DHX34: variants seen among roughly 807,000 people sequenced by gnomAD.
The protein encoded by DHX34 is DExH-box helicase 34.
DHX34 carries 96 observed loss-of-function variants against 111.1 expected under a neutral mutation model. That is an observed-to-expected ratio of 0.86 (90% CI 0.73 to 1.02). DHX34 has a LOEUF of 1.02. Among genes scored for constraint, DHX34 ranks in the 50% least tolerant of loss-of-function variants. DHX34 has a pLI of 0.00. For missense variants in DHX34, 1,560 were observed against 1,579.9 expected, an observed-to-expected ratio of 0.99 and a Z score of 0.21; for synonymous variants, 688 against 670.4, an observed-to-expected ratio of 1.03 and a Z score of -0.41.
intron 7 of DHX34, 73 bp from the exon 8 acceptor site, chr19:47,372,657 C>A: frequency 4.8e-6 from 7 of 1,467,110 alleles, no homozygotes; most frequent in Non-Finnish European, 5.4e-6. Flanking sequence ...GGAGGGCAGG[C>A]TGGGGCCCCG....
At chr19:47,376,978 C>G in intron 12 of DHX34, 122 bp from the exon 13 acceptor site, 2 of 1,556,382 alleles carry the variant, frequency 1.3e-6, no homozygotes, top group Non-Finnish European at 1.7e-6. Context: ...GCCAGGCCAC[C>G]AAAGCCATGC....
At chr19:47,364,726 A>C (rs1969738616) in intron 6 of DHX34, among the ~76,000 whole-genome samples, 1 of 152,154 alleles carries the variant, frequency 6.6e-6, no homozygotes. Context: ...TGATAGAGCA[A>C]GACCCTGTCT....
At position 47,357,955 on chromosome 19, in the gene DHX34, T is replaced by C; in HGVS notation, c.1107T>C (p.Ile369=). The C allele has an allele frequency of 6.2e-7, 1 of 1,614,034 alleles. No homozygotes were observed. Among genetic ancestry groups the C allele is most frequent in the Non-Finnish European group, 8.5e-7 (1 of 1,180,040 alleles). Residue 369 remains isoleucine, a synonymous_variant, in exon 4 of 17, where the codon ATT becomes ATC. Coordinates refer to ENST00000328771, the MANE Select transcript of DHX34 (RefSeq NM_014681.6). ...PRPFLRVLES[I]DHKYPPEERG... ...CTTTCCTGAGGGTGCTGGAGTCCAT[T>C]GACCACAAGTACCCGCCTGAGGAGC...
chr19:47,372,800 C>T lies in DHX34; in HGVS notation c.1839C>T (p.Ser613=), dbSNP rs151030783. The change falls in exon 8 of 17, where the codon AGC becomes AGT. Residue 613 remains serine (S), a synonymous_variant. Transcript: ENST00000328771. ...EPVLTIAAAL[S]VQSPFTRSAQ... ...TGCTCACCATCGCAGCCGCACTTAG[C>T]GTCCAGTCGCCCTTCACCCGCAGCG... The T allele has an allele frequency of 5.2e-4, 839 of 1,613,146 alleles. 4 individuals carry two copies. The Middle Eastern group carries it at 0.014, about 27-fold the overall frequency.
rs370492039 is a variant in DHX34 at position 47,359,913 on chromosome 19, A to G, written c.1273-55A>G. 33 of 1,612,802 alleles carry G rather than the reference A, an allele frequency of 2.0e-5. 1 individual carries two copies. Among genetic ancestry groups the G allele is most frequent in the African/African-American group, 1.2e-4 (9 of 74,898 alleles). Reference sequence around the variant, plus strand: ...CGGGGGTGGGCAAGAAATTGGACACATAGGTTAGTCGGGGCTGAGTTAGTT... The same window carrying G: ...CGGGGGTGGGCAAGAAATTGGACACGTAGGTTAGTCGGGGCTGAGTTAGTT... On this transcript the variant is annotated intron_variant, in intron 4 of 16. Transcript: ENST00000328771.
chr19:47,381,762 CT>C (rs1191215995), intron 16 of DHX34: 1 of 788,430 alleles, frequency 1.3e-6, no homozygotes, highest in Admixed American at 6.2e-5. Flanking sequence ...CATGTCTCTC[CT>C]TGTGTCTTTC....
Position 47,376,440 on chromosome 19 carries a change from C to A in DHX34, c.2482-3C>A, listed in dbSNP as rs1311254273. On this transcript the variant is annotated splice_polypyrimidine_tract_variant and splice_region_variant and intron_variant, in intron 11 of 16. Transcript: ENST00000328771. ...GCTTGTGCTTTCTCTCTGTCCTCCG[C>A]AGATTTTCCACACGCAGGCCAAGCA... 9 of 1,610,930 alleles carry A rather than the reference C, an allele frequency of 5.6e-6. No individual in the cohort carries two copies. The highest frequency in any genetic ancestry group is 7.6e-6 in the Non-Finnish European group (9 of 1,178,918).
intron 2 of DHX34, chr19:47,354,808 GC>G (rs976660848): frequency 1.6e-5 from 5 of 313,606 alleles, no homozygotes; most frequent in African/African-American, 1.1e-4. Flanking sequence ...GCGCCACCAC[GC>G]CCGGCTAATT....
At chr19:47,374,111 C>G (rs1970058270) in intron 9 of DHX34, among the ~76,000 whole-genome samples, 1 of 152,122 alleles carries the variant, frequency 6.6e-6, no homozygotes, top group African/African-American at 2.4e-5. Flanking sequence ...GTCTCTGGGC[C>G]TCAGCTTCCC....
At chr19:47,363,695 G>GT (rs1969701602) in intron 6 of DHX34, among the ~76,000 whole-genome samples, 1 of 151,860 alleles carries the variant, frequency 6.6e-6, no homozygotes, top group South Asian at 2.1e-4. Flanking sequence ...GTGTGCACCT[G>GT]TAAGCCCGGC....
rs796524317 is a variant in DHX34, at chr19:47,351,165, CTT to C, written c.-277-1585_-277-1584del. ...AGCCTCAGAAGAATGCTCTCATTTT[CTT>C]TTTCTTTTTTTTTTTTTTTTTTTTT... On this transcript the variant is annotated intron_variant, in intron 1 of 16. Transcript: ENST00000328771. Among the ~76,000 whole-genome samples, 1,091 of 128,154 alleles carry C rather than the reference CTT, an allele frequency of 8.5e-3. 23 individuals are homozygous for C. Among genetic ancestry groups the C allele is most frequent in the African/African-American group, 0.03 (1,033 of 34,872 alleles). The allele number at this position is 128,154 out of a possible 152,430, so 84.1% of individuals were successfully genotyped here. A position where few individuals can be genotyped will look rare whatever the true frequency, so the allele number is the denominator to read the frequency against.
chr19:47,377,669 G>A (rs1458229090), intron 13 of DHX34, among the ~76,000 whole-genome samples: 4 of 151,834 alleles, frequency 2.6e-5, no homozygotes, highest in Admixed American at 6.6e-5. Context: ...CAGAGGCTCC[G>A]AGGCAGACAT....
chr19:47,357,849 G>C lies in DHX34; in HGVS notation c.1018-17G>C, dbSNP rs764158084. The C allele has an allele frequency of 6.2e-7, 1 of 1,605,700 alleles. No homozygotes were observed. Among genetic ancestry groups the C allele is most frequent in the South Asian group, 1.1e-5 (1 of 90,638 alleles). On this transcript the variant is annotated splice_polypyrimidine_tract_variant and intron_variant, in intron 3 of 16. Coordinates refer to ENST00000328771, the MANE Select transcript of DHX34 (RefSeq NM_014681.6). ...GAGGGACAGGGTGTGCTTCTACCTG[G>C]GGCTGTCTCCTCTCAGGTTGTGTAC...
At position 47,382,267 on chromosome 19, in the gene DHX34, TCA is replaced by T; in HGVS notation, c.*157_*158del. Reference sequence around the variant, plus strand: ...TGGAGCACGGATTGTGAATAAAGCCTCACATGCTGATACACACTGTTAGGCCT... The same window carrying T: ...TGGAGCACGGATTGTGAATAAAGCCTCATGCTGATACACACTGTTAGGCCT... On this transcript the variant is annotated 3_prime_UTR_variant, in exon 17 of 17. Coordinates refer to ENST00000328771, the MANE Select transcript of DHX34 (RefSeq NM_014681.6). 1 of 1,348,930 alleles carries T rather than the reference TCA, an allele frequency of 7.4e-7. No homozygotes were observed. Among genetic ancestry groups the T allele is most frequent in the East Asian group, 2.5e-5 (1 of 39,570 alleles). The allele number at this position is 1,348,930 out of a possible 1,614,324, so 83.6% of individuals were successfully genotyped here. A position where few individuals can be genotyped will look rare whatever the true frequency, so the allele number is the denominator to read the frequency against.
rs903553879 is a variant in DHX34, at chr19:47,355,501, A to G, written c.1017+151A>G. ...TAAAGCTACCATTTTCTGAGCATTC[A>G]TAATCAGCTGGTTAGAGTGCTAAGT... is the stretch of plus-strand genomic sequence containing the variant. On this transcript the variant is annotated intron_variant, in intron 3 of 16. Transcript: ENST00000328771. 6 of 1,299,126 alleles carry G rather than the reference A, an allele frequency of 4.6e-6. No individual in the cohort carries two copies. The Admixed American group carries it at 8.2e-5, about 18-fold the overall frequency. The allele number at this position is 1,299,126 out of a possible 1,614,324, so 80.5% of individuals were successfully genotyped here.
rs564281782 is a variant in DHX34 at position 47,375,679 on chromosome 19, C to A, written c.2278C>A (p.Pro760Thr). ...SDEDRAGPAPPGASDGVDIQD... is the reference protein window; with the variant it reads ...SDEDRAGPAPTGASDGVDIQD... ...CGAGGACAGGGCTGGCCCAGCCCCC[C>A]CAGGGGCCAGTGATGGCGTGGACAT... is the stretch of plus-strand genomic sequence containing the variant. The change falls in exon 10 of 17, where the codon CCA (proline) becomes ACA (threonine). Residue 760 changes from proline to threonine, a missense_variant. By Grantham distance (38) the Pro-to-Thr change is conservative. Coordinates refer to ENST00000328771, the MANE Select transcript of DHX34 (RefSeq NM_014681.6). 1.3e-6 allele frequency: 2 copies of A among 1,557,386 alleles called. No individual in the cohort carries two copies. The highest frequency in any genetic ancestry group is 2.4e-5 in the East Asian group (1 of 42,346).
intron 2 of DHX34, among the ~76,000 whole-genome samples, chr19:47,354,279 A>T (rs1969383703): frequency 6.6e-6 from 1 of 151,976 alleles, no homozygotes; most frequent in Non-Finnish European, 1.5e-5. Context: ...GTAATTCTTG[A>T]CGATCACTGC....
At chr19:47,358,437 G>A (rs2122235592) in intron 4 of DHX34, among the ~76,000 whole-genome samples, 1 of 152,120 alleles carries the variant, frequency 6.6e-6, no homozygotes, top group Middle Eastern at 3.4e-3. Context: ...CTGAGTGGGT[G>A]AGGCTGTGTT....
chr19:47,360,970 C>T (rs73556052), intron 5 of DHX34, among the ~76,000 whole-genome samples: 35,970 of 151,762 alleles, frequency 0.24, 6,423 homozygotes, highest in African/African-American at 0.48. Context: ...ACGCCCAGCC[C>T]GACATTCTAT....
Sources: gnomAD v4.1 joint callset for allele counts (sites outside exome capture counted in the v4.1 genomes callset) on GRCh38, gnomAD v4.1.1 for gene constraint, MANE v1.5 for transcripts, NCBI Gene and HGNC (gene_info 2026-07-23, HGNC 2026-07-21) for gene names.